The following MAP2 variants were observed in gnomAD, a reference collection of about 807,000 sequenced individuals.
MAP2 encodes microtubule associated protein 2.
MAP2 carries 14 observed loss-of-function variants against 137.6 expected under a neutral mutation model. That is an observed-to-expected ratio of 0.10 (90% CI 0.07 to 0.16). The LOEUF is 0.16. Among genes scored for constraint, MAP2 ranks in the 10% least tolerant of loss-of-function variants. The probability of loss-of-function intolerance (pLI) is 1.00; values close to 1 mark genes in which losing one functional copy is unlikely to be tolerated. For synonymous variants in MAP2, 786 were observed against 782.3 expected (o/e 1.00, Z -0.08); for missense variants, 2,088 against 2,191.5 (o/e 0.95, Z 0.94).
At chr2:209,557,327 T>G (rs2070914368) in intron 2 of MAP2, among the ~76,000 whole-genome samples, 1 of 152,200 alleles carries the variant, frequency 6.6e-6, no homozygotes, top group African/African-American at 2.4e-5. Context: ...CATGACAAAT[T>G]GTTGTTTCCG....
intron 5 of MAP2, among the ~76,000 whole-genome samples, chr2:209,664,154 GT>G (rs2045097475): frequency 6.6e-6 from 1 of 152,196 alleles, no homozygotes; most frequent in African/African-American, 2.4e-5. Context: ...ATGCTTTGGG[GT>G]AGAACCTGTG....
intron 3 of MAP2, among the ~76,000 whole-genome samples, chr2:209,602,366 T>C (rs971663629): frequency 6.6e-6 from 1 of 152,202 alleles, no homozygotes; most frequent in Non-Finnish European, 1.5e-5. Flanking sequence ...TATACTTGGC[T>C]ACCCATCCAG....
chr2:209,704,528 A>T, intron 11 of MAP2: 1 of 1,612,864 alleles, frequency 6.2e-7, no homozygotes, highest in Non-Finnish European at 8.5e-7. Context: ...CCCTAGCACG[A>T]CTAAAAGGGC....
At chr2:209,676,026 T>C (rs2051230219) in intron 5 of MAP2, among the ~76,000 whole-genome samples, 1 of 151,926 alleles carries the variant, frequency 6.6e-6, no homozygotes, top group Non-Finnish European at 1.5e-5. Flanking sequence ...AATTTTCTAT[T>C]CTGTCAAAAA....
chr2:209,693,375 A>G lies in MAP2; in HGVS notation c.1205A>G (p.His402Arg), dbSNP rs2059431089. Residue 402 changes from histidine to arginine, a missense_variant, in exon 8 of 16, where the codon CAT (histidine) becomes CGT (arginine). Physicochemically the swap from His to Arg is conservative, Grantham distance 29 (BLOSUM62 0). Coordinates refer to ENST00000682079, the MANE Select transcript of MAP2 (RefSeq NM_001375505.1). Reference protein sequence around the residue: ...KDAHIPVVEEHVMGKVLEEEK... With the variant: ...KDAHIPVVEERVMGKVLEEEK... ...GCTCACATTCCAGTTGTAGAAGAACATGTTATGGGGAAAGTTTTAGAGGAA... is the reference window on the plus strand; with the variant it reads ...GCTCACATTCCAGTTGTAGAAGAACGTGTTATGGGGAAAGTTTTAGAGGAA... 6.2e-7 allele frequency: 1 copy of G among 1,611,726 alleles called. No individual in the cohort carries two copies. Among genetic ancestry groups the G allele is most frequent in the Non-Finnish European group, 8.5e-7 (1 of 1,179,486 alleles).
At chr2:209,540,355 C>T (rs890312230) in intron 2 of MAP2, among the ~76,000 whole-genome samples, 4 of 151,006 alleles carry the variant, frequency 2.6e-5, no homozygotes, top group East Asian at 2.0e-4. Context: ...CAGCACTGGC[C>T]GGGCGCGGTC....
chr2:209,627,725 G>C (rs939179384), intron 4 of MAP2, among the ~76,000 whole-genome samples: 1 of 152,134 alleles, frequency 6.6e-6, no homozygotes, highest in Non-Finnish European at 1.5e-5. Context: ...TGTTAGGAAA[G>C]CAAGGAAGAC....
At chr2:209,546,990 A>C (rs1404665614) in intron 2 of MAP2, among the ~76,000 whole-genome samples, 2 of 152,196 alleles carry the variant, frequency 1.3e-5, no homozygotes, top group Non-Finnish European at 2.9e-5. Flanking sequence ...AATAGAAGAA[A>C]TTTTTAAAAA....
At chr2:209,580,988 A>G (rs555804977) in intron 3 of MAP2, among the ~76,000 whole-genome samples, 1 of 152,322 alleles carries the variant, frequency 6.6e-6, no homozygotes, top group African/African-American at 2.4e-5. Context: ...GGATCTATGT[A>G]TAATATTTCC....
intron 1 of MAP2, among the ~76,000 whole-genome samples, chr2:209,442,349 G>C (rs1271776534): frequency 6.6e-6 from 1 of 151,536 alleles, no homozygotes; most frequent in Non-Finnish European, 1.5e-5. Flanking sequence ...AAATTGGGGG[G>C]TCTAGGGGCC....
chr2:209,531,364 C>T (rs915980977), intron 2 of MAP2, among the ~76,000 whole-genome samples: 2 of 152,120 alleles, frequency 1.3e-5, no homozygotes, highest in Non-Finnish European at 1.5e-5. Context: ...AATAGCATAG[C>T]CTTCTAAAGC....
intron 5 of MAP2, among the ~76,000 whole-genome samples, chr2:209,659,454 C>T (rs1419954950): frequency 6.6e-6 from 1 of 152,186 alleles, no homozygotes; most frequent in Non-Finnish European, 1.5e-5. Context: ...CAGACCAGTG[C>T]TGTTTCCACT....
chr2:209,467,408 C>T (rs1287116345), intron 1 of MAP2, among the ~76,000 whole-genome samples: 9 of 152,138 alleles, frequency 5.9e-5, no homozygotes, highest in Non-Finnish European at 1.3e-4. Flanking sequence ...CAGCTTCCAA[C>T]AACATACCAT....
chr2:209,527,975 T>G (rs1331822558), intron 2 of MAP2, among the ~76,000 whole-genome samples: 1 of 152,154 alleles, frequency 6.6e-6, no homozygotes, highest in Non-Finnish European at 1.5e-5. Context: ...TCCAAAAAGA[T>G]TCATATTATA....
chr2:209,728,631 A>T (rs2074978368), intron 14 of MAP2, among the ~76,000 whole-genome samples: 1 of 152,238 alleles, frequency 6.6e-6, no homozygotes, highest in Non-Finnish European at 1.5e-5. Context: ...GAGACCGTGA[A>T]GCCTTAACAA....
At chr2:209,429,246 C>G (rs927902909) in intron 1 of MAP2, among the ~76,000 whole-genome samples, 1 of 152,150 alleles carries the variant, frequency 6.6e-6, no homozygotes, top group Non-Finnish European at 1.5e-5. Flanking sequence ...AGCCACCGTG[C>G]CCGGCAATTA....
intron 3 of MAP2, among the ~76,000 whole-genome samples, chr2:209,611,692 G>T (rs2086940224): frequency 6.6e-6 from 1 of 152,076 alleles, no homozygotes; most frequent in South Asian, 2.1e-4. Context: ...AACAGTGTTA[G>T]TCAACATCCA....
At chr2:209,521,542 A>G (rs1402130348) in intron 2 of MAP2, among the ~76,000 whole-genome samples, 1 of 151,584 alleles carries the variant, frequency 6.6e-6, no homozygotes, top group Non-Finnish European at 1.5e-5. Context: ...GCTTCTTGTA[A>G]ACTCTTTAAT....
chr2:209,567,251 G>T (rs1374430080), intron 2 of MAP2, among the ~76,000 whole-genome samples: 2 of 152,022 alleles, frequency 1.3e-5, no homozygotes, highest in African/African-American at 2.4e-5. Flanking sequence ...CCAGATATTA[G>T]AGAAAGTTTT....
Sources: allele counts gnomAD v4.1 joint callset (sites outside exome capture counted in the v4.1 genomes callset), GRCh38; gene constraint gnomAD v4.1.1; transcripts MANE v1.5; gene names NCBI Gene and HGNC (gene_info 2026-07-23, HGNC 2026-07-21).